Variants in AOX1 observed in about 807,000 individuals in gnomAD.
AOX1 encodes aldehyde oxidase 1.
A neutral mutation model predicts 169.5 loss-of-function variants in AOX1; 153 were observed. That is an observed-to-expected ratio of 0.90 (90% CI 0.79 to 1.03). AOX1 has a LOEUF of 1.03. AOX1 is among the 50% of genes least tolerant of loss of function. AOX1 has a pLI of 0.00. For missense variants in AOX1, 1,656 were observed against 1,663.9 expected (o/e 1.00, Z 0.08); for synonymous variants, 562 against 581.9 (o/e 0.97, Z 0.49).
At chr2:200,632,644 T>C (rs75817793) in intron 20 of AOX1, among the ~76,000 whole-genome samples, 1 of 146,102 alleles carries the variant, frequency 6.8e-6, no homozygotes, top group Non-Finnish European at 1.5e-5. Flanking sequence ...AAAAAAAAAA[T>C]CATTTTCTGT....
At chr2:200,613,033 A>T (rs76360537) in intron 14 of AOX1, among the ~76,000 whole-genome samples, 6 of 125,930 alleles carry the variant, frequency 4.8e-5, no homozygotes, top group African/African-American at 1.5e-4. Flanking sequence ...TGTGTGAGAG[A>T]GAGAGAGAGA....
In AOX1 at chr2:200,608,976, C is replaced by T. The variant is rs2034572233; in HGVS notation, c.908-8C>T. The T allele has an allele frequency of 6.2e-7, 1 of 1,610,788 alleles. No homozygotes were observed. The highest frequency in any genetic ancestry group is 1.3e-5 in the African/African-American group (1 of 74,778). On this transcript the variant is annotated splice_polypyrimidine_tract_variant and splice_region_variant and intron_variant, in intron 10 of 34. Transcript: ENST00000374700. ...GCACTGTGTTATTTACAAATGACTT[C>T]ATTTCAGGACTCACCCTTGGTGCTG...
rs1281117273 is a variant in AOX1, at chr2:200,642,732, T to A, written c.2778T>A (p.Pro926=). The change falls in exon 25 of 35, where the codon CCT becomes CCA. Residue 926 remains proline, a synonymous_variant. Coordinates refer to ENST00000374700, the MANE Select transcript of AOX1 (RefSeq NM_001159.4). ...SNTAFRGFGF[P]QAALITESCI... ...CAGCTTTTCGTGGGTTTGGCTTTCC[T>A]CAGGCAGCGCTGATCACCGAATCTT... 6.2e-7 allele frequency: 1 copy of A among 1,614,104 alleles called. No individual in the cohort carries two copies.
chr2:200,617,862 A>G (rs2034796768), intron 16 of AOX1, among the ~76,000 whole-genome samples: 1 of 152,136 alleles, frequency 6.6e-6, no homozygotes, highest in African/African-American at 2.4e-5. Flanking sequence ...TTTGCAGAGG[A>G]AGTCAATTCC....
chr2:200,629,145 G>C (rs967016787), intron 20 of AOX1, among the ~76,000 whole-genome samples: 13 of 152,274 alleles, frequency 8.5e-5, no homozygotes, highest in African/African-American at 3.1e-4. Flanking sequence ...CGTGTCAGGG[G>C]CTGACTGGAA....
At chr2:200,656,265 C>G (rs1275595257) in intron 26 of AOX1, among the ~76,000 whole-genome samples, 1 of 152,160 alleles carries the variant, frequency 6.6e-6, no homozygotes, top group Non-Finnish European at 1.5e-5. Flanking sequence ...TCCCCATATT[C>G]TAGTTTAGCA....
chr2:200,598,537 G>A (rs2034336015), intron 4 of AOX1, among the ~76,000 whole-genome samples: 1 of 152,112 alleles, frequency 6.6e-6, no homozygotes, highest in African/African-American at 2.4e-5. Flanking sequence ...GAGCTCAAGA[G>A]ATCAAGACCA....
downstream of AOX1, among the ~76,000 whole-genome samples, chr2:200,672,030 G>T (rs1317263698): frequency 1.3e-5 from 2 of 152,090 alleles, no homozygotes; most frequent in Non-Finnish European, 2.9e-5. Context: ...TTGTCTAAAT[G>T]AAAGAAGCCA....
intron 26 of AOX1, among the ~76,000 whole-genome samples, chr2:200,653,916 A>G (rs1030521661): frequency 3.9e-5 from 6 of 152,196 alleles, no homozygotes; most frequent in Non-Finnish European, 8.8e-5. Context: ...TTGGAGCACC[A>G]TGAACCACAT....
intron 25 of AOX1, among the ~76,000 whole-genome samples, chr2:200,646,753 A>G (rs1423798345): frequency 1.3e-5 from 2 of 152,050 alleles, no homozygotes; most frequent in Admixed American, 1.3e-4. Flanking sequence ...TTAGGTGTGT[A>G]TATGTTTAAG....
At chr2:200,663,087 G>A (rs1158318939) in intron 31 of AOX1, 118 bp downstream of exon 31, 2 of 677,780 alleles carry the variant, frequency 3.0e-6, no homozygotes, top group East Asian at 5.6e-5. Flanking sequence ...GCCTAAGGGT[G>A]ATTTCCCTGG....
chr2:200,614,878 C>T (rs2034718993), intron 15 of AOX1, among the ~76,000 whole-genome samples: 1 of 152,138 alleles, frequency 6.6e-6, no homozygotes. Flanking sequence ...ACCAGGTAAC[C>T]AATTATAGAC....
chr2:200,664,183 G>A (rs776863346), intron 31 of AOX1, among the ~76,000 whole-genome samples: 8 of 152,186 alleles, frequency 5.3e-5, no homozygotes, highest in African/African-American at 9.7e-5. Flanking sequence ...GGAGTACAGT[G>A]GCTTGATCTT....
At chr2:200,635,262 TTG>T (rs929688737) in intron 21 of AOX1, among the ~76,000 whole-genome samples, 28 of 152,214 alleles carry the variant, frequency 1.8e-4, no homozygotes, top group African/African-American at 6.8e-4. Flanking sequence ...AGCCTTTTGT[TTG>T]TGGATTGTAG....
chr2:200,668,700 G>A lies in AOX1; in HGVS notation c.3695G>A (p.Gly1232Asp). ...YSPQGILHTR[G>D]PDQYKIPAIC... is the part of the protein sequence containing the mutation. ...CCCCAGGGCATTCTGCACACTCGTG[G>A]TCCAGACCAATATAAAATCCCTGCC... Residue 1232 changes from glycine (G) to aspartate (D), a missense_variant, in exon 33 of 35, where the codon GGT (glycine) becomes GAT (aspartate). Coordinates refer to ENST00000374700, the MANE Select transcript of AOX1 (RefSeq NM_001159.4). The A allele has an allele frequency of 6.2e-7, 1 of 1,614,152 alleles. No homozygotes were observed.
At chr2:200,627,315 C>A (rs1369477663) in intron 19 of AOX1, 38 bp from the exon 20 acceptor site, 1 of 1,481,736 alleles carries the variant, frequency 6.7e-7, no homozygotes, top group South Asian at 1.1e-5. Context: ...GGCAGGGTCT[C>A]TTGCCCAAGC....
intron 7 of AOX1, 67 bp downstream of exon 7, chr2:200,603,423 G>C: frequency 2.3e-6 from 3 of 1,311,132 alleles, no homozygotes; most frequent in African/African-American, 1.5e-5. Context: ...ATACTCTTAG[G>C]AAGAACAAAT....
rs141563329 is a variant in AOX1 at position 200,663,596 on chromosome 2, T to TCTCTCCCC, written c.3543+628_3543+629insTCTCCCCC. ...CACTCTCTCTCTCTCTCTCTCTCTC[T>TCTCTCCCC]CCCCCTCTTTCTGTCTCTGTTGCTT... On this transcript the variant is annotated intron_variant, in intron 31 of 34. Transcript: ENST00000374700. Among the ~76,000 whole-genome samples the TCTCTCCCC allele has an allele frequency of 3.6e-3, 537 of 148,026 alleles. 2 individuals carry two copies. Among genetic ancestry groups the TCTCTCCCC allele is most frequent in the Non-Finnish European group, 6.5e-3 (435 of 67,058 alleles).
At position 200,595,291 on chromosome 2, in the gene AOX1, G is replaced by C; in HGVS notation, c.123G>C (p.Lys41Asn). The change falls in exon 3 of 35, where the codon AAG (lysine) becomes AAC (asparagine). Residue 41 changes from lysine (K) to asparagine (N), a missense_variant. By Grantham distance (94) the Lys-to-Asn change is moderately conservative. Transcript: ENST00000374700. ...TTCCAGTTCGACTCACAGGAACTAA[G>C]TATGGCTGTGGAGGAGGAGGCTGTG... ...LRKKLRLTGTKYGCGGGGCGA... is the reference protein window; with the variant it reads ...LRKKLRLTGTNYGCGGGGCGA... The C allele has an allele frequency of 6.2e-7, 1 of 1,613,068 alleles. No homozygotes were observed. Among genetic ancestry groups the C allele is most frequent in the South Asian group, 1.1e-5 (1 of 91,014 alleles).
Sources: allele counts gnomAD v4.1 joint callset (sites outside exome capture counted in the v4.1 genomes callset), GRCh38; gene constraint gnomAD v4.1.1; transcripts MANE v1.5; gene names NCBI Gene and HGNC (gene_info 2026-07-23, HGNC 2026-07-21).